Variants in TRAF3 observed in about 807,000 individuals in gnomAD.
The protein encoded by TRAF3 is TNF receptor associated factor 3.
In TRAF3, 13 loss-of-function variants were observed where a neutral mutation model predicts 62.3. That is an observed-to-expected ratio of 0.21 (90% CI 0.14 to 0.33). The LOEUF (loss-of-function observed/expected upper bound fraction) is 0.33. Ranked by LOEUF, TRAF3 falls within the 10% of genes least tolerant of loss-of-function variation. The pLI, the probability that TRAF3 is intolerant of heterozygous loss-of-function variation, is 1.00. For missense variants in TRAF3, 440 were observed against 741.8 expected (o/e 0.59, Z 4.73); for synonymous variants, 269 against 283.4 (o/e 0.95, Z 0.51).
At chr14:102,831,233 T>A (rs919138609) in intron 2 of TRAF3, among the ~76,000 whole-genome samples, 1 of 152,054 alleles carries the variant, frequency 6.6e-6, no homozygotes, top group Non-Finnish European at 1.5e-5. Flanking sequence ...CTTAAAAGGG[T>A]GCAGTTTTTG....
At chr14:102,846,001 A>C (rs1450386464) in intron 2 of TRAF3, among the ~76,000 whole-genome samples, 2 of 149,244 alleles carry the variant, frequency 1.3e-5, no homozygotes, top group Non-Finnish European at 3.0e-5. Flanking sequence ...AAAAAAAAAA[A>C]AAAAAAAATA....
At chr14:102,862,628 C>T (rs1343909875) in intron 2 of TRAF3, among the ~76,000 whole-genome samples, 4 of 152,052 alleles carry the variant, frequency 2.6e-5, no homozygotes, top group Admixed American at 2.6e-4. Flanking sequence ...TGTCGAGCTT[C>T]CTGGTTATGC....
chr14:102,858,519 T>TG (rs1279546397), intron 2 of TRAF3, among the ~76,000 whole-genome samples: 1 of 128,908 alleles, frequency 7.8e-6, no homozygotes, highest in Non-Finnish European at 1.5e-5. Flanking sequence ...GAGCACCTGT[T>TG]GAAGTCCTAT....
chr14:102,853,866 A>G (rs966405130), intron 2 of TRAF3, among the ~76,000 whole-genome samples: 1 of 151,850 alleles, frequency 6.6e-6, no homozygotes, highest in Admixed American at 6.6e-5. Flanking sequence ...ATGTTATGCA[A>G]CCATCACTAC....
Position 102,786,547 on chromosome 14 carries a change from C to T in TRAF3, c.-157+8872C>T, listed in dbSNP as rs988487865. 2.0e-5 allele frequency among the ~76,000 whole-genome samples: 3 copies of T among 152,058 alleles called. No individual in the cohort carries two copies. The East Asian group carries it at 5.8e-4, about 29-fold the overall frequency. On this transcript the variant is annotated intron_variant, in intron 1 of 11. Coordinates refer to ENST00000392745, the MANE Select transcript of TRAF3 (RefSeq NM_145725.3). Reference sequence around the variant, plus strand: ...ACCTAAAAATACAAAATTAGCCGGGCGTGGTGGCACATGCCTGTAATTCCA... The same window carrying T: ...ACCTAAAAATACAAAATTAGCCGGGTGTGGTGGCACATGCCTGTAATTCCA...
intron 2 of TRAF3, among the ~76,000 whole-genome samples, chr14:102,844,234 G>A (rs1216991330): frequency 6.6e-6 from 1 of 152,196 alleles, no homozygotes; most frequent in African/African-American, 2.4e-5. Context: ...ATCAATGAGG[G>A]CTCTTTCTGA....
At chr14:102,784,508 G>T (rs961253516) in intron 1 of TRAF3, among the ~76,000 whole-genome samples, 4 of 152,058 alleles carry the variant, frequency 2.6e-5, no homozygotes, top group Non-Finnish European at 5.9e-5. Flanking sequence ...CAGGCGTGAG[G>T]TACTGGGCCC....
chr14:102,871,136 A>G (rs1888318731), intron 3 of TRAF3, among the ~76,000 whole-genome samples: 1 of 152,196 alleles, frequency 6.6e-6, no homozygotes, highest in African/African-American at 2.4e-5. Context: ...CGGCCTGGGA[A>G]GGTTGCCAGC....
chr14:102,891,461 CTT>C, intron 9 of TRAF3, 44 bp downstream of exon 9: 1 of 1,566,956 alleles, frequency 6.4e-7, no homozygotes, highest in Non-Finnish European at 8.7e-7. Flanking sequence ...TGTATCATCT[CTT>C]CAGATTATTT....
chr14:102,886,741 A>C (rs1174217282), intron 7 of TRAF3, among the ~76,000 whole-genome samples: 3 of 152,160 alleles, frequency 2.0e-5, no homozygotes, highest in Admixed American at 1.3e-4. Context: ...GGGCAACAAG[A>C]GTTAAACTCC....
chr14:102,872,651 T>C (rs1300659459), intron 4 of TRAF3, among the ~76,000 whole-genome samples: 1 of 152,098 alleles, frequency 6.6e-6, no homozygotes, highest in Non-Finnish European at 1.5e-5. Flanking sequence ...ACTTGGAGTT[T>C]GAAACAATTC....
intron 2 of TRAF3, among the ~76,000 whole-genome samples, chr14:102,861,388 C>G (rs1445664746): frequency 6.6e-6 from 1 of 152,196 alleles, no homozygotes; most frequent in Non-Finnish European, 1.5e-5. Flanking sequence ...AGGACTCTAA[C>G]CTTCCTAAGT....
intron 3 of TRAF3, among the ~76,000 whole-genome samples, chr14:102,870,918 C>T (rs1888305157): frequency 1.3e-5 from 2 of 152,248 alleles, no homozygotes; most frequent in African/African-American, 4.8e-5. Flanking sequence ...GTGGAACATG[C>T]ACCGAGCCCA....
chr14:102,887,675 T>A (rs565669909), intron 7 of TRAF3, among the ~76,000 whole-genome samples: 60 of 152,142 alleles, frequency 3.9e-4, no homozygotes, highest in Non-Finnish European at 1.2e-4. Context: ...GCTCAGTGCA[T>A]GCTCTGCCTC....
At chr14:102,880,844 G>A (rs1262632790) in intron 6 of TRAF3, among the ~76,000 whole-genome samples, 3 of 152,148 alleles carry the variant, frequency 2.0e-5, no homozygotes, top group Non-Finnish European at 4.4e-5. Context: ...TTGGGAGGCC[G>A]AGGTGGGCAG....
chr14:102,892,846 C>A (rs1889798251), intron 9 of TRAF3, among the ~76,000 whole-genome samples: 1 of 152,222 alleles, frequency 6.6e-6, no homozygotes, highest in Admixed American at 6.5e-5. Context: ...TGTGCACACA[C>A]ACGGAGCAGA....
rs553227346 is a variant in TRAF3, at chr14:102,903,963, C to T, written c.1135+534C>T. 49 of 369,862 alleles carry T rather than the reference C, an allele frequency of 1.3e-4. No homozygotes were observed. Among genetic ancestry groups the T allele is most frequent in the South Asian group, 4.7e-4 (24 of 50,712 alleles). 22.9% of individuals were successfully genotyped at this position (369,862 alleles called of 1,614,324 possible). On this transcript the variant is annotated intron_variant, in intron 11 of 11. Transcript: ENST00000392745. This position sits in a 1 kb window ranked among gnomAD's most constrained non-coding sequence, Gnocchi z 6.4. Reference sequence around the variant, plus strand: ...CAGATTACCGGTGTGTGTGTGGGGCCGGATGAAGCAGGCAGAGAATGAGGT... The same window carrying T: ...CAGATTACCGGTGTGTGTGTGGGGCTGGATGAAGCAGGCAGAGAATGAGGT...
chr14:102,801,862 A>C (rs1351816592), intron 1 of TRAF3, among the ~76,000 whole-genome samples: 1 of 151,348 alleles, frequency 6.6e-6, no homozygotes, highest in African/African-American at 2.4e-5. Flanking sequence ...TAAAAATACA[A>C]AAAATTAGCC....
At chr14:102,901,784 T>G (rs961225277) in intron 10 of TRAF3, among the ~76,000 whole-genome samples, 2 of 152,230 alleles carry the variant, frequency 1.3e-5, no homozygotes, top group Admixed American at 6.5e-5. Context: ...TCTTTGTGGT[T>G]AATAACAGCC....
Sources: allele counts gnomAD v4.1 joint callset (sites outside exome capture counted in the v4.1 genomes callset), GRCh38; gene constraint gnomAD v4.1.1; non-coding constraint Gnocchi (gnomAD v3.1); transcripts MANE v1.5; gene names NCBI Gene and HGNC (gene_info 2026-07-23, HGNC 2026-07-21).